The following OR2AJ1 variants were observed in gnomAD, a reference collection of about 807,000 sequenced individuals.
OR2AJ1 encodes olfactory receptor family 2 subfamily AJ member 1.
For synonymous variants in OR2AJ1, 105 were observed against 60.3 expected, an observed-to-expected ratio of 1.74 and a Z score of -3.44; for missense variants, 280 against 163.2, an observed-to-expected ratio of 1.72 and a Z score of -3.90.
chr1:247,935,154 T>G lies in OR2AJ1; in HGVS notation c.*399T>G, dbSNP rs1370599111. 5.9e-6 allele frequency: 1 copy of G among 170,490 alleles called. No homozygotes were observed. The highest frequency in any genetic ancestry group is 2.4e-5 in the African/African-American group (1 of 41,576). 10.6% of individuals were successfully genotyped at this position (170,490 alleles called of 1,614,324 possible). ...AAATCATTATTCTTTGCCTGGTTTA[T>G]CAACACCTTTATTTAGTAAAATTTT... is the stretch of plus-strand genomic sequence containing the variant. On this transcript the variant is annotated 3_prime_UTR_variant, in exon 2 of 2. Transcript: ENST00000318244.
intron 1 of OR2AJ1, among the ~76,000 whole-genome samples, chr1:247,930,826 A>G (rs538335415): frequency 2.6e-5 from 4 of 152,298 alleles, no homozygotes; most frequent in Admixed American, 1.3e-4. Context: ...CTGGAAAAAA[A>G]TGTGGGCTCT....
In OR2AJ1 at chr1:247,934,680, G is replaced by T; in HGVS notation, c.912G>T (p.Met304Ile). Residue 304 changes from methionine to isoleucine, a missense_variant, in exon 2 of 2, where the codon ATG (methionine) becomes ATT (isoleucine). Physicochemically the swap from Met to Ile is conservative, Grantham distance 10. Coordinates refer to ENST00000318244, the MANE Select transcript of OR2AJ1 (RefSeq NM_001355235.2). ...NKDVLAVMKN[M>I]LKSNFLHKKM... is the part of the protein sequence containing the mutation. ...ATGTTCTGGCGGTGATGAAAAATAT[G>T]CTCAAAAGTAACTTTCTGCACAAAA... 1.4e-6 allele frequency: 1 copy of T among 716,418 alleles called. No homozygotes were observed. The highest frequency in any genetic ancestry group is 2.3e-4 in the Middle Eastern group (1 of 4,376). 44.4% of individuals were successfully genotyped at this position (716,418 alleles called of 1,614,324 possible).
chr1:247,925,470 G>T (rs1406427862), intron 1 of OR2AJ1, among the ~76,000 whole-genome samples: 1 of 152,114 alleles, frequency 6.6e-6, no homozygotes, highest in African/African-American at 2.4e-5. Flanking sequence ...CCTTAGAAGT[G>T]CTGGGGAAGA....
At chr1:247,926,573 C>T (rs1660093555) in intron 1 of OR2AJ1, among the ~76,000 whole-genome samples, 1 of 152,136 alleles carries the variant, frequency 6.6e-6, no homozygotes, top group Admixed American at 6.5e-5. Context: ...GGAGATTGTA[C>T]ATTGATGCAT....
intron 1 of OR2AJ1, among the ~76,000 whole-genome samples, chr1:247,926,227 C>T (rs915001457): frequency 2.0e-5 from 3 of 152,038 alleles, no homozygotes; most frequent in African/African-American, 7.2e-5. Context: ...AATTTGGAAA[C>T]TCAATGTTAC....
rs1432234445 is a variant in OR2AJ1, at chr1:247,934,738, T to C, written c.970T>C (p.Cys324Arg). ...TAGGAAAATTCCTGAATGTGTGTTC[T>C]GTCTATTTCTATGTTAAATGCCTGA... ...MNRKIPECVF[C>R]LFLC Residue 324 changes from cysteine to arginine, a missense_variant, in exon 2 of 2, where the codon TGT becomes CGT. Physicochemically the swap from Cys to Arg is radical, Grantham distance 180. Coordinates refer to ENST00000318244, the MANE Select transcript of OR2AJ1 (RefSeq NM_001355235.2). The C allele has an allele frequency of 5.7e-6, 4 of 704,094 alleles. No individual in the cohort carries two copies. The East Asian group carries it at 1.1e-4, about 19-fold the overall frequency. The allele number at this position is 704,094 out of a possible 1,614,324, so 43.6% of individuals were successfully genotyped here. A position where few individuals can be genotyped will look rare whatever the true frequency, so the allele number is the denominator to read the frequency against.
At chr1:247,933,101 A>G (rs1028168432) in intron 1 of OR2AJ1, among the ~76,000 whole-genome samples, 14 of 152,278 alleles carry the variant, frequency 9.2e-5, no homozygotes, top group South Asian at 8.3e-4. Context: ...ATTTTCTATA[A>G]GTTTAATCTA....
rs45624439 is a variant in OR2AJ1, at chr1:247,934,451, T to C, written c.683T>C (p.Met228Thr). ...CAAATTATTCTTACTGTCCTCCAGA[T>C]GAAATCATCAGAGGCAAGGAAAAAG... ...YGQIILTVLQ[M>T]KSSEARKKSF... The change falls in exon 2 of 2, where the codon ATG (methionine) becomes ACG (threonine). Residue 228 changes from methionine (M) to threonine (T), a missense_variant. By Grantham distance (81) the Met-to-Thr change is moderately conservative. Transcript: ENST00000318244. 2.8e-6 allele frequency: 2 copies of C among 717,474 alleles called. No homozygotes were observed. The highest frequency in any genetic ancestry group is 2.0e-5 in the Admixed American group (1 of 50,008). The allele number at this position is 717,474 out of a possible 1,614,324, so 44.4% of individuals were successfully genotyped here.
chr1:247,931,369 A>T (rs1660151259), intron 1 of OR2AJ1, among the ~76,000 whole-genome samples: 1 of 152,210 alleles, frequency 6.6e-6, no homozygotes, highest in African/African-American at 2.4e-5. Flanking sequence ...ATACAATGGC[A>T]GATTTCACCC....
chr1:247,933,125 A>G (rs1277125504), intron 1 of OR2AJ1, among the ~76,000 whole-genome samples: 1 of 152,202 alleles, frequency 6.6e-6, no homozygotes, highest in Non-Finnish European at 1.5e-5. Flanking sequence ...AATAAATGCA[A>G]TAGACAGAAA....
At chr1:247,928,828 C>T (rs1194245649) in intron 1 of OR2AJ1, among the ~76,000 whole-genome samples, 7 of 152,162 alleles carry the variant, frequency 4.6e-5, no homozygotes, top group Non-Finnish European at 1.0e-4. Flanking sequence ...GGCGCGGTGC[C>T]TCACGCCTGT....
In OR2AJ1 at chr1:247,926,971, G is replaced by A. The variant is rs145778403; in HGVS notation, c.-23+1803G>A. ...CCACGGAGTCATTTCCTTGTCAGGC[G>A]CACACACCCCATATGCAGTTGATGT... On this transcript the variant is annotated intron_variant, in intron 1 of 1. Transcript: ENST00000318244. 3.1e-3 allele frequency among the ~76,000 whole-genome samples: 477 copies of A among 152,280 alleles called. 1 individual carries two copies. Among genetic ancestry groups the A allele is most frequent in the Middle Eastern group, 0.017 (5 of 294 alleles).
At chr1:247,927,579 A>G (rs1297038701) in intron 1 of OR2AJ1, among the ~76,000 whole-genome samples, 3 of 151,636 alleles carry the variant, frequency 2.0e-5, no homozygotes, top group East Asian at 1.9e-4. Flanking sequence ...ATTATCATTA[A>G]CGATAATCAT....
chr1:247,927,497 G>GGTGTGTGTGTGTGTGTGT lies in OR2AJ1; in HGVS notation c.-23+2334_-23+2351dup, dbSNP rs55762045. On this transcript the variant is annotated intron_variant, in intron 1 of 1. Coordinates refer to ENST00000318244, the MANE Select transcript of OR2AJ1 (RefSeq NM_001355235.2). ...TATTAATCACCTTAAACATTTAGGG[G>GGTGTGTGTGTGTGTGTGT]GTGTGTGTGTGTGTGTGTGTGTTGG... Among the ~76,000 whole-genome samples the GGTGTGTGTGTGTGTGTGT allele has an allele frequency of 4.1e-3, 611 of 148,424 alleles. 8 individuals carry two copies. Among genetic ancestry groups the GGTGTGTGTGTGTGTGTGT allele is most frequent in the East Asian group, 0.014 (73 of 5,122 alleles).
chr1:247,933,912 C>G lies in OR2AJ1; in HGVS notation c.144C>G (p.Leu48=). The change falls in exon 2 of 2, where the codon CTC becomes CTG. Residue 48 remains leucine (L), a synonymous_variant. Transcript: ENST00000318244. ...CAGAAAATACGCTCATGATCCTCCT[C>G]ATTCGCAGTGACTCCCGACTCCACA... is the stretch of plus-strand genomic sequence containing the variant. ...SVTENTLMIL[L]IRSDSRLHTP... 1.4e-6 allele frequency: 1 copy of G among 717,316 alleles called. No individual in the cohort carries two copies. The highest frequency in any genetic ancestry group is 2.6e-6 in the Non-Finnish European group (1 of 384,970). 44.4% of individuals were successfully genotyped at this position (717,316 alleles called of 1,614,324 possible). A position where few individuals can be genotyped will look rare whatever the true frequency, so the allele number is the denominator to read the frequency against.
intron 1 of OR2AJ1, among the ~76,000 whole-genome samples, chr1:247,930,873 G>A (rs143921624): frequency 6.4e-4 from 97 of 152,212 alleles, no homozygotes; most frequent in African/African-American, 2.2e-3. Context: ...TTATGTACAC[G>A]ATTTATGCTG....
intron 1 of OR2AJ1, among the ~76,000 whole-genome samples, chr1:247,926,981 C>T (rs1480538146): frequency 6.6e-6 from 1 of 152,200 alleles, no homozygotes; most frequent in Non-Finnish European, 1.5e-5. Flanking sequence ...GCACACACCC[C>T]ATATGCAGTT....
intron 1 of OR2AJ1, among the ~76,000 whole-genome samples, chr1:247,929,721 C>T (rs1660132477): frequency 6.6e-6 from 1 of 151,712 alleles, no homozygotes; most frequent in African/African-American, 2.4e-5. Flanking sequence ...CATAGAAATT[C>T]ATTTCAGACA....
At chr1:247,933,680 T>C in intron 1 of OR2AJ1, 67 bp from the exon 2 acceptor site, 1 of 535,532 alleles carries the variant, frequency 1.9e-6, no homozygotes, top group Non-Finnish European at 3.4e-6. Context: ...TATGCAGGTA[T>C]ATTATTGTTA....
Sources: gnomAD v4.1 joint callset for allele counts (sites outside exome capture counted in the v4.1 genomes callset) on GRCh38, gnomAD v4.1.1 for gene constraint, MANE v1.5 for transcripts, NCBI Gene and HGNC (gene_info 2026-07-23, HGNC 2026-07-21) for gene names.